The following SIN3B variants were observed in gnomAD, a reference collection of about 807,000 sequenced individuals.
The protein encoded by SIN3B is SIN3 transcription regulator family member B.
In SIN3B, 19 loss-of-function variants were observed where a neutral mutation model predicts 120.2. That is an observed-to-expected ratio of 0.16 (90% confidence interval 0.11 to 0.23). The LOEUF (loss-of-function observed/expected upper bound fraction) is 0.23, where lower values mean the gene tolerates loss of function less well. Ranked by LOEUF, SIN3B falls within the 10% of genes least tolerant of loss-of-function variation. The pLI, the probability that SIN3B is intolerant of heterozygous loss-of-function variation, is 1.00. For synonymous variants in SIN3B, 654 were observed against 653.2 expected, an observed-to-expected ratio of 1.00 and a Z score of -0.02; for missense variants, 1,073 against 1,573.0, an observed-to-expected ratio of 0.68 and a Z score of 5.38.
At chr19:16,861,622 G>T (rs978371758) in intron 8 of SIN3B, among the ~76,000 whole-genome samples, 2 of 152,162 alleles carry the variant, frequency 1.3e-5, no homozygotes, top group South Asian at 4.1e-4. Context: ...AATTAGCCGG[G>T]CATGGTGGTG....
In SIN3B at chr19:16,865,523, C is replaced by G; in HGVS notation, c.1497C>G (p.Ser499=). The G allele has an allele frequency of 1.9e-6, 3 of 1,613,774 alleles. No homozygotes were observed. The highest frequency in any genetic ancestry group is 2.5e-6 in the Non-Finnish European group (3 of 1,179,804). Reference sequence around the variant, plus strand: ...AGGAGAAGTTCCGGCTGGACGACTCCCTGGGAGGCACGTCGGAGGTGATCC... The same window carrying G: ...AGGAGAAGTTCCGGCTGGACGACTCGCTGGGAGGCACGTCGGAGGTGATCC... ...EDQEKFRLDD[S]LGGTSEVIQR... is the part of the protein sequence containing the mutation. Residue 499 remains serine (S), a synonymous_variant, in exon 11 of 19, where the codon TCC becomes TCG. Coordinates refer to ENST00000248054, the MANE Select transcript of SIN3B (RefSeq NM_001297595.2).
rs1295153810 is a variant in SIN3B, at chr19:16,876,942, G to A, written c.2859+364G>A. The A allele has an allele frequency of 4.7e-6, 1 of 214,490 alleles. No homozygotes were observed. Among genetic ancestry groups the A allele is most frequent in the East Asian group, 1.1e-4 (1 of 8,978 alleles). The allele number at this position is 214,490 out of a possible 1,614,324, so 13.3% of individuals were successfully genotyped here. On this transcript the variant is annotated intron_variant, in intron 16 of 18. Coordinates refer to ENST00000248054, the MANE Select transcript of SIN3B (RefSeq NM_001297595.2). The surrounding 1 kb of genome is among the most constrained non-coding windows in gnomAD (Gnocchi z 7.1). The stretch of plus-strand genomic sequence containing the variant: ...ATCCTGTTCCTAATCCCCAGCAGAG[G>A]AGCCACCTGGGCCCAGCTCCCAGTC...
Position 16,870,064 on chromosome 19 carries a change from T to G in SIN3B, c.2411T>G (p.Leu804Arg). 6.2e-7 allele frequency: 1 copy of G among 1,600,902 alleles called. No homozygotes were observed. Among genetic ancestry groups the G allele is most frequent in the Non-Finnish European group, 8.5e-7 (1 of 1,173,448 alleles). ...KGSDPAMELR[L>R]KQPSEVELEE... ...AGCGACCCCGCCATGGAGCTGCGGC[T>G]GAAGCAGCCCAGTAAGGCTCCAAAG... The change falls in exon 13 of 19, where the codon CTG becomes CGG. Residue 804 changes from leucine (L) to arginine (R), a missense_variant. Transcript: ENST00000248054.
chr19:16,857,553 G>GTGTGTATATATA (rs66778532), intron 8 of SIN3B, among the ~76,000 whole-genome samples: 183 of 139,540 alleles, frequency 1.3e-3, no homozygotes, highest in African/African-American at 4.6e-3. Flanking sequence ...GTGTGTGTGT[G>GTGTGTATATATA]TATATATACA....
intron 13 of SIN3B, among the ~76,000 whole-genome samples, chr19:16,870,813 C>G (rs2051500877): frequency 6.6e-6 from 1 of 152,188 alleles, no homozygotes; most frequent in Non-Finnish European, 1.5e-5. Flanking sequence ...CTCGGGCTTC[C>G]AAAGTGATGG....
chr19:16,836,088 G>T (rs759554715), intron 3 of SIN3B, among the ~76,000 whole-genome samples: 1 of 152,170 alleles, frequency 6.6e-6, no homozygotes, highest in East Asian at 1.9e-4. Flanking sequence ...TCCCAGCCTC[G>T]GGCAGCCTTT....
chr19:16,875,787 G>A (rs1252026849), intron 14 of SIN3B: 1 of 511,408 alleles, frequency 2.0e-6, no homozygotes, highest in Non-Finnish European at 3.5e-6. Flanking sequence ...GTCTGGTCTG[G>A]TCTGGTCTGG....
At chr19:16,830,143 C>T (rs1011869308) in intron 2 of SIN3B, among the ~76,000 whole-genome samples, 1 of 152,196 alleles carries the variant, frequency 6.6e-6, no homozygotes, top group African/African-American at 2.4e-5. Context: ...AGGGCGAGGC[C>T]GTGCACACTC....
intron 3 of SIN3B, among the ~76,000 whole-genome samples, chr19:16,836,826 A>G (rs1366598260): frequency 1.3e-5 from 2 of 152,174 alleles, no homozygotes; most frequent in Non-Finnish European, 1.5e-5. Flanking sequence ...TCGACATTCA[A>G]AGGGAGCCCC....
In SIN3B at chr19:16,878,387, G is replaced by A; in HGVS notation, c.3159G>A (p.Lys1053=). Residue 1053 remains lysine (K), a synonymous_variant, in exon 18 of 19, where the codon AAG becomes AAA. Coordinates refer to ENST00000248054, the MANE Select transcript of SIN3B (RefSeq NM_001297595.2). The stretch of plus-strand genomic sequence containing the variant: ...GTCGCGGGACCCTCTGCCGGGCCAA[G>A]CAGGTGCCAGGGGAGGCCTGGGCTG... ...MYRRGTLCRA[K]QVQPLVLLRH... 6.2e-7 allele frequency: 1 copy of A among 1,610,988 alleles called. No individual in the cohort carries two copies.
At chr19:16,845,965 G>T (rs1358135259) in intron 4 of SIN3B, among the ~76,000 whole-genome samples, 1 of 152,016 alleles carries the variant, frequency 6.6e-6, no homozygotes, top group African/African-American at 2.4e-5. Context: ...TAGCGATAGG[G>T]TCTCACTGTA....
chr19:16,877,211 G>A (rs1023747883), intron 16 of SIN3B: 6 of 339,062 alleles, frequency 1.8e-5, no homozygotes, highest in Non-Finnish European at 3.3e-5. Context: ...CAACGTCCTG[G>A]AGGTCAGCAG....
At chr19:16,877,342 C>A in intron 16 of SIN3B, 1 of 571,686 alleles carries the variant, frequency 1.7e-6, no homozygotes, top group Non-Finnish European at 3.1e-6. Context: ...TTGTGTGAGT[C>A]CCGCTGTCAC....
intron 8 of SIN3B, among the ~76,000 whole-genome samples, chr19:16,857,027 G>C (rs1023050408): frequency 1.3e-5 from 2 of 152,104 alleles, no homozygotes; most frequent in African/African-American, 4.8e-5. Flanking sequence ...TTGCCATGAA[G>C]CATCTCATTT....
At chr19:16,875,586 T>A (rs1467442113) in intron 14 of SIN3B, among the ~76,000 whole-genome samples, 1 of 141,632 alleles carries the variant, frequency 7.1e-6, no homozygotes, top group African/African-American at 2.7e-5. Flanking sequence ...TCTGGTTTGG[T>A]TTTGGTTTGG....
chr19:16,854,572 T>G, intron 8 of SIN3B: 1 of 234,654 alleles, frequency 4.3e-6, no homozygotes, highest in South Asian at 6.5e-5. Context: ...AGACATTCAT[T>G]TCTGGTCTGA....
intron 12 of SIN3B, among the ~76,000 whole-genome samples, chr19:16,867,359 G>A (rs995168195): frequency 6.6e-6 from 1 of 152,236 alleles, no homozygotes; most frequent in Non-Finnish European, 1.5e-5. Context: ...TGTCCTCACT[G>A]CAGGCTCACA....
At chr19:16,858,381 G>A (rs1030532237) in intron 8 of SIN3B, among the ~76,000 whole-genome samples, 3 of 152,138 alleles carry the variant, frequency 2.0e-5, no homozygotes, top group Admixed American at 6.5e-5. Flanking sequence ...TATAAGAAGT[G>A]GCCCAGGATA....
Position 16,834,922 on chromosome 19 carries a change from CT to C in SIN3B, c.381+3290del, listed in dbSNP as rs541788015. On this transcript the variant is annotated intron_variant, in intron 3 of 18. Coordinates refer to ENST00000248054, the MANE Select transcript of SIN3B (RefSeq NM_001297595.2). ...TATTCTTTCTTTCTTTCTTTTCTTT[CT>C]TTTTTTTTTTTTTTGTGACAGAGTT... Among the ~76,000 whole-genome samples, 1,296 of 140,542 alleles carry C rather than the reference CT, an allele frequency of 9.2e-3. 4 individuals are homozygous for C. The highest frequency in any genetic ancestry group is 0.016 in the African/African-American group (599 of 38,528). The allele number at this position is 140,542 out of a possible 152,430, so 92.2% of individuals were successfully genotyped here.
Sources: gnomAD v4.1 joint callset for allele counts (sites outside exome capture counted in the v4.1 genomes callset) on GRCh38, gnomAD v4.1.1 for gene constraint, Gnocchi (gnomAD v3.1) non-coding constraint, MANE v1.5 for transcripts, NCBI Gene and HGNC (gene_info 2026-07-23, HGNC 2026-07-21) for gene names.